PLCG2: variants seen among roughly 807,000 people sequenced by gnomAD.
PLCG2 encodes 1-phosphatidylinositol 4,5-bisphosphate phosphodiesterase gamma-2.
PLCG2 carries 69 observed loss-of-function variants against 175.6 expected under a neutral mutation model. The observed-to-expected ratio is 0.39, with a 90% CI of 0.32 to 0.48. The LOEUF (loss-of-function observed/expected upper bound fraction) is 0.48, where lower values mean the gene tolerates loss of function less well. Among genes scored for constraint, PLCG2 ranks in the 20% least tolerant of loss-of-function variants. The probability of loss-of-function intolerance (pLI) is 0.91; values close to 1 mark genes in which losing one functional copy is unlikely to be tolerated. For synonymous variants in PLCG2, 827 were observed against 624.0 expected (o/e 1.33, Z -4.85); for missense variants, 1,798 against 1,650.9 (o/e 1.09, Z -1.54).
chr16:81,868,745 G>A (rs138735087), intron 5 of PLCG2, among the ~76,000 whole-genome samples: 26 of 152,296 alleles, frequency 1.7e-4, no homozygotes, highest in Non-Finnish European at 3.4e-4. Flanking sequence ...GAGATTATCT[G>A]GTCATTTGAC....
intron 30 of PLCG2, among the ~76,000 whole-genome samples, chr16:81,940,867 A>G (rs1481079939): frequency 6.6e-6 from 1 of 152,172 alleles, no homozygotes; most frequent in Non-Finnish European, 1.5e-5. Flanking sequence ...TTTAGGTATA[A>G]TATTTGACAA....
Position 81,915,335 on chromosome 16 carries a change from A to C in PLCG2, c.2054+2619A>C, listed in dbSNP as rs1044085904. 4.6e-5 allele frequency among the ~76,000 whole-genome samples: 7 copies of C among 152,170 alleles called. 1 individual carries two copies. Among genetic ancestry groups the C allele is most frequent in the African/African-American group, 1.7e-4 (7 of 41,434 alleles). ...GGATGTGTAATGAACTTCTGGATAG[A>C]TTTCCCCAGTAGAGGAGAAACACCT... On this transcript the variant is annotated intron_variant, in intron 19 of 32. Transcript: ENST00000564138.
intron 2 of PLCG2, among the ~76,000 whole-genome samples, chr16:81,761,905 C>A (rs1324087885): frequency 6.8e-6 from 1 of 146,030 alleles, no homozygotes; most frequent in East Asian, 2.0e-4. Context: ...GATCTCGGCT[C>A]ACTCTAACCT....
rs1423202093 is a variant in PLCG2, at chr16:81,960,332, A to C, written c.*2334A>C. On this transcript the variant is annotated 3_prime_UTR_variant, in exon 33 of 33. Coordinates refer to ENST00000564138, the MANE Select transcript of PLCG2 (RefSeq NM_002661.5). Reference sequence around the variant, plus strand: ...ATGCTTCCTACATGACTGTTAAAGCACAGCCAATCCAGGCCAAGAAGACTA... The same window carrying C: ...ATGCTTCCTACATGACTGTTAAAGCCCAGCCAATCCAGGCCAAGAAGACTA... The C allele has an allele frequency of 4.5e-6, 1 of 219,950 alleles. No individual in the cohort carries two copies. Among genetic ancestry groups the C allele is most frequent in the Admixed American group, 5.8e-5 (1 of 17,304 alleles). The allele number at this position is 219,950 out of a possible 1,614,324, so 13.6% of individuals were successfully genotyped here.
Position 81,825,662 on chromosome 16 carries a change from A to G in PLCG2, c.194-28782A>G, listed in dbSNP as rs184019473. Among the ~76,000 whole-genome samples, 6 of 152,298 alleles carry G rather than the reference A, an allele frequency of 3.9e-5. No individual in the cohort carries two copies. The East Asian group carries it at 1.2e-3, about 29-fold the overall frequency. On this transcript the variant is annotated intron_variant, in intron 2 of 32. Coordinates refer to ENST00000564138, the MANE Select transcript of PLCG2 (RefSeq NM_002661.5). ...CAAATGTAATTGCAGTTTAATTGTAACTTTAATGGCAAAAATTGTGACAAC... is the reference window on the plus strand; with the variant it reads ...CAAATGTAATTGCAGTTTAATTGTAGCTTTAATGGCAAAAATTGTGACAAC...
intron 2 of PLCG2, among the ~76,000 whole-genome samples, chr16:81,799,761 T>G (rs1911639503): frequency 6.6e-6 from 1 of 151,936 alleles, no homozygotes; most frequent in Admixed American, 6.6e-5. Flanking sequence ...CTTGGCTAAT[T>G]TTTTTGTATT....
In PLCG2 at chr16:81,896,764, G is replaced by A. The variant is rs8062268; in HGVS notation, c.1193+837G>A. On this transcript the variant is annotated intron_variant, in intron 13 of 32. Transcript: ENST00000564138. ...TTTTTGAATACCCACCTGGGGCCAG[G>A]CTCTGTGCTAGGTTCTTTGTACAGG... Among the ~76,000 whole-genome samples the A allele has an allele frequency of 9.7e-3, 1,483 of 152,250 alleles. 10 individuals are homozygous for A. Among genetic ancestry groups the A allele is most frequent in the Middle Eastern group, 0.054 (16 of 294 alleles).
In PLCG2 at chr16:81,889,177, T is replaced by C. The variant is rs369555285; in HGVS notation, c.771T>C (p.His257=). The C allele has an allele frequency of 4.0e-4, 636 of 1,587,818 alleles. 3 individuals are homozygous for C. The highest frequency in any genetic ancestry group is 3.4e-3 in the Admixed American group (200 of 58,668). The change falls in exon 10 of 33, where the codon CAT becomes CAC. Residue 257 remains histidine (H), a synonymous_variant. Transcript: ENST00000564138. ...GTTCTCTTTGTCATTTTAAGGAGCA[T>C]TGGGCTCAGGATCTGAACAAAGTCC... The part of the protein sequence containing the change: ...QRFLIHEQQE[H]WAQDLNKVRE...
At chr16:81,803,679 TC>T in intron 2 of PLCG2, among the ~76,000 whole-genome samples, 1 of 133,676 alleles carries the variant, frequency 7.5e-6, no homozygotes, top group Non-Finnish European at 1.6e-5. Context: ...CTTCCTTCCT[TC>T]CTTTTCTTTC....
At chr16:81,809,342 A>G (rs1427630495) in intron 2 of PLCG2, among the ~76,000 whole-genome samples, 4 of 152,090 alleles carry the variant, frequency 2.6e-5, no homozygotes, top group African/African-American at 4.8e-5. Flanking sequence ...CGGCAGATCA[A>G]TACCCCAGCT....
chr16:81,936,130 A>T (rs1910700376), intron 26 of PLCG2, 39 bp from the exon 27 acceptor site: 1 of 1,608,958 alleles, frequency 6.2e-7, no homozygotes, highest in Admixed American at 1.7e-5. Flanking sequence ...TGCACAGATG[A>T]GACACAGAAG....
intron 6 of PLCG2, 109 bp downstream of exon 6, chr16:81,869,407 C>A: frequency 2.6e-6 from 2 of 764,476 alleles, no homozygotes; most frequent in Non-Finnish European, 4.7e-6. Context: ...ACAAGAAAAT[C>A]CTTTGCCTCC....
chr16:81,911,375 C>T (rs571719836), intron 18 of PLCG2, among the ~76,000 whole-genome samples: 11 of 152,218 alleles, frequency 7.2e-5, no homozygotes, highest in Non-Finnish European at 7.4e-5. Flanking sequence ...TTCTGAGACA[C>T]GTGGCAATAA....
intron 9 of PLCG2, among the ~76,000 whole-genome samples, chr16:81,884,607 G>T (rs1908263222): frequency 6.6e-6 from 1 of 151,924 alleles, no homozygotes; most frequent in Non-Finnish European, 1.5e-5. Context: ...GGATCTGTGT[G>T]TGTGTGTGTG....
intron 2 of PLCG2, among the ~76,000 whole-genome samples, chr16:81,815,977 G>T (rs1904526423): frequency 6.6e-6 from 1 of 151,852 alleles, no homozygotes. Context: ...CAAGAGAATT[G>T]CTTGAACCCG....
chr16:81,947,656 G>A (rs1911202898), intron 31 of PLCG2, among the ~76,000 whole-genome samples: 2 of 152,202 alleles, frequency 1.3e-5, no homozygotes, highest in African/African-American at 4.8e-5. Context: ...AGAGTTTACA[G>A]CCCCAGAAAA....
At chr16:81,758,308 C>T (rs1427630627) in intron 2 of PLCG2, among the ~76,000 whole-genome samples, 1 of 152,122 alleles carries the variant, frequency 6.6e-6, no homozygotes, top group Non-Finnish European at 1.5e-5. Flanking sequence ...AACGTTTATT[C>T]ATTTTGTAGC....
chr16:81,918,433 A>G (rs9932209), intron 19 of PLCG2, among the ~76,000 whole-genome samples: 8,338 of 152,254 alleles, frequency 0.055, 255 homozygotes, highest in African/African-American at 0.092. Context: ...TTATTTCTAT[A>G]TAGGAATTTA....
intron 2 of PLCG2, among the ~76,000 whole-genome samples, chr16:81,844,169 T>A (rs1905988299): frequency 7.7e-6 from 1 of 130,674 alleles, no homozygotes; most frequent in African/African-American, 2.9e-5. Flanking sequence ...TTTTTTTTGG[T>A]ATTTTTAGTA....
Sources: allele counts gnomAD v4.1 joint callset (sites outside exome capture counted in the v4.1 genomes callset), GRCh38; gene constraint gnomAD v4.1.1; transcripts MANE v1.5; gene names NCBI Gene and HGNC (gene_info 2026-07-23, HGNC 2026-07-21).